The following HEATR4 variants were observed in gnomAD, a reference collection of about 807,000 sequenced individuals.
HEATR4 encodes HEAT repeat containing 4, also known as HEAT repeat-containing protein 4.
A neutral mutation model predicts 108.8 loss-of-function variants in HEATR4; 95 were observed. That is an observed-to-expected ratio of 0.87 (90% CI 0.74 to 1.04). The LOEUF is 1.04. HEATR4 is among the 50% of genes least tolerant of loss of function. HEATR4 has a pLI of 0.00. For missense variants in HEATR4, 1,152 were observed against 1,253.8 expected (o/e 0.92, Z 1.23); for synonymous variants, 443 against 459.4 (o/e 0.96, Z 0.46).
chr14:73,514,017 C>T lies in HEATR4; in HGVS notation c.1414+14G>A. The T allele has an allele frequency of 6.2e-7, 1 of 1,613,218 alleles. No individual in the cohort carries two copies. The highest frequency in any genetic ancestry group is 8.5e-7 in the Non-Finnish European group (1 of 1,179,168). On this transcript the variant is annotated intron_variant, in intron 6 of 17. Coordinates refer to ENST00000553558, the MANE Select transcript of HEATR4 (RefSeq NM_001220484.1). The stretch of plus-strand genomic sequence containing the variant: ...TCACAAACGTACAGTATCACAGGAC[C>T]TCCCTTCACTCACTCAGAGCCCAGG...
chr14:73,493,445 G>A (rs1044812337), intron 16 of HEATR4: 10 of 270,086 alleles, frequency 3.7e-5, no homozygotes, highest in Admixed American at 1.0e-4. Flanking sequence ...AGAAATGCAG[G>A]AGCGGGAGGA....
chr14:73,490,285 C>G (rs1885628571), intron 17 of HEATR4, among the ~76,000 whole-genome samples: 1 of 152,046 alleles, frequency 6.6e-6, no homozygotes, highest in Non-Finnish European at 1.5e-5. Context: ...GTCACCACAC[C>G]TGGCTAATTT....
At chr14:73,621,417 G>C in the HEATR4 span, among the ~76,000 whole-genome samples, 1 of 152,076 alleles carries the variant, frequency 6.6e-6, no homozygotes, top group Admixed American at 6.6e-5. Flanking sequence ...TACCAAATCG[G>C]ACTTCCTCCC....
rs1479860427 is a variant in HEATR4 at position 73,547,499 on chromosome 14, C to T, written c.-152+11252G>A. 2.6e-5 allele frequency among the ~76,000 whole-genome samples: 3 copies of T among 115,634 alleles called. 1 individual carries two copies. In the Admixed American group the frequency reaches 2.9e-4, roughly 11 times the overall value. 75.9% of individuals were successfully genotyped at this position (115,634 alleles called of 152,430 possible). A position where few individuals can be genotyped will look rare whatever the true frequency, so the allele number is the denominator to read the frequency against. On this transcript the variant is annotated intron_variant, in intron 1 of 17. Transcript: ENST00000553558. The stretch of plus-strand genomic sequence containing the variant: ...GTGCTGGGATTACAGGCAATCACCA[C>T]TGCACCTGGCCATCATGAATAATTT...
At chr14:73,509,856 A>ATTT (rs1566832292) in intron 7 of HEATR4, among the ~76,000 whole-genome samples, 1 of 61,344 alleles carries the variant, frequency 1.6e-5, no homozygotes, top group African/African-American at 6.9e-5. Flanking sequence ...ATATATATAT[A>ATTT]TATATATATA....
intron 4 of HEATR4, among the ~76,000 whole-genome samples, chr14:73,519,469 G>A (rs78813933): frequency 0.013 from 1,966 of 152,328 alleles, 39 homozygotes; most frequent in African/African-American, 0.045. Context: ...CCTATGGCCG[G>A]GTGTGGTGGC....
At chr14:73,505,719 G>A (rs756856800) in intron 10 of HEATR4, among the ~76,000 whole-genome samples, 2 of 151,588 alleles carry the variant, frequency 1.3e-5, no homozygotes, top group Non-Finnish European at 2.9e-5. Context: ...TGTGTGTGCC[G>A]AACACTCTGA....
At position 73,532,045 on chromosome 14, in the gene HEATR4, TAAA is replaced by T. The variant is rs111448868; in HGVS notation, c.-151-1804_-151-1802del. ...GAAGTGCAGTCTCAAAAAATAAAAATAAAAAAACCCTCTAGATGTATGCGGCTC... is the reference window on the plus strand; with the variant it reads ...GAAGTGCAGTCTCAAAAAATAAAAATAAAACCCTCTAGATGTATGCGGCTC... On this transcript the variant is annotated intron_variant, in intron 1 of 17. Coordinates refer to ENST00000553558, the MANE Select transcript of HEATR4 (RefSeq NM_001220484.1). Among the ~76,000 whole-genome samples, 2 of 112,864 alleles carry T rather than the reference TAAA, an allele frequency of 1.8e-5. 1 individual carries two copies. The highest frequency in any genetic ancestry group is 3.8e-5 in the Non-Finnish European group (2 of 51,952). The allele number at this position is 112,864 out of a possible 152,430, so 74.0% of individuals were successfully genotyped here.
intron 1 of HEATR4, chr14:73,542,964 C>T (rs567001059): frequency 1.7e-6 from 2 of 1,197,424 alleles, no homozygotes; most frequent in Admixed American, 5.1e-5. Context: ...GACTCAGGTT[C>T]AACTAACTTC....
chr14:73,503,672 T>C lies in HEATR4; in HGVS notation c.1987-659A>G, dbSNP rs184514155. On this transcript the variant is annotated intron_variant, in intron 10 of 17. Coordinates refer to ENST00000553558, the MANE Select transcript of HEATR4 (RefSeq NM_001220484.1). ...AAATAAAATAAAAACATCTCCTTAG[T>C]GAAGTCTTCTTTGCCCCTTGTAAGC... 2.0e-5 allele frequency among the ~76,000 whole-genome samples: 3 copies of C among 152,338 alleles called. No homozygotes were observed. The East Asian group carries it at 5.8e-4, about 29-fold the overall frequency.
the HEATR4 span, chr14:73,616,943 T>C: frequency 3.3e-6 from 2 of 603,644 alleles, no homozygotes; most frequent in Non-Finnish European, 5.9e-6. Flanking sequence ...GTTTGCTTAC[T>C]GTCTTTTGAG....
At position 73,553,123 on chromosome 14, in the gene HEATR4, G is replaced by A. The variant is rs1294257082; in HGVS notation, c.-152+5628C>T. 8.7e-5 allele frequency among the ~76,000 whole-genome samples: 10 copies of A among 115,240 alleles called. 4 individuals carry two copies. The highest frequency in any genetic ancestry group is 2.2e-4 in the African/African-American group (8 of 35,658). 75.6% of individuals were successfully genotyped at this position (115,240 alleles called of 152,430 possible). A position where few individuals can be genotyped will look rare whatever the true frequency, so the allele number is the denominator to read the frequency against. On this transcript the variant is annotated intron_variant, in intron 1 of 17. Coordinates refer to ENST00000553558, the MANE Select transcript of HEATR4 (RefSeq NM_001220484.1). ...AGCACCAGGGCTGGTGCCCCACCCC[G>A]AAGGACACAAGCCTCCTGCTCAGGA...
chr14:73,478,978 G>A (rs1885129737), intron 17 of HEATR4, 136 bp from the exon 18 acceptor site: 3 of 582,018 alleles, frequency 5.2e-6, no homozygotes, highest in African/African-American at 1.9e-5. Flanking sequence ...CCACTCTGTC[G>A]CCCAGGCTGG....
the HEATR4 span, among the ~76,000 whole-genome samples, chr14:73,575,968 G>A: frequency 5.9e-5 from 9 of 151,570 alleles, no homozygotes; most frequent in African/African-American, 1.5e-4. Flanking sequence ...TCTGGCCAAC[G>A]TGATGAAACC....
intron 11 of HEATR4, among the ~76,000 whole-genome samples, chr14:73,501,319 G>A (rs1886444633): frequency 6.6e-6 from 1 of 152,004 alleles, no homozygotes; most frequent in Non-Finnish European, 1.5e-5. Context: ...TAGAGATGGG[G>A]TTTCACTATG....
chr14:73,593,542 T>G, the HEATR4 span, among the ~76,000 whole-genome samples: 1 of 151,342 alleles, frequency 6.6e-6, no homozygotes, highest in African/African-American at 2.4e-5. Context: ...GGGGTCTCAC[T>G]ACATTGTCCA....
At chr14:73,491,240 C>T in intron 17 of HEATR4, 1 of 1,589,300 alleles carries the variant, frequency 6.3e-7, no homozygotes, top group Non-Finnish European at 8.6e-7. Context: ...GGCCGACGAC[C>T]TGGGGGACGC....
chr14:73,566,322 A>G, the HEATR4 span, among the ~76,000 whole-genome samples: 1 of 152,140 alleles, frequency 6.6e-6, no homozygotes, highest in Non-Finnish European at 1.5e-5. Flanking sequence ...CCAGTCCCGC[A>G]CCGTGAGCCC....
At chr14:73,493,265 T>G in intron 16 of HEATR4, 141 bp from the exon 17 acceptor site, 1 of 660,636 alleles carries the variant, frequency 1.5e-6, no homozygotes, top group Non-Finnish European at 2.6e-6. Flanking sequence ...GAGACAGATA[T>G]TAGATTTTTT....
Sources: allele counts gnomAD v4.1 joint callset (sites outside exome capture counted in the v4.1 genomes callset), GRCh38; gene constraint gnomAD v4.1.1; transcripts MANE v1.5; gene names NCBI Gene and HGNC (gene_info 2026-07-23, HGNC 2026-07-21).